Variants in SUMF1 observed in about 807,000 individuals in gnomAD.
The protein encoded by SUMF1 is sulfatase modifying factor 1.
A neutral mutation model predicts 47.6 loss-of-function variants in SUMF1; 48 were observed. The observed-to-expected ratio is 1.01, with a 90% CI of 0.80 to 1.28. The LOEUF (loss-of-function observed/expected upper bound fraction) is 1.28, where lower values mean the gene tolerates loss of function less well. Among genes scored for constraint, SUMF1 ranks in the 50% most tolerant of loss-of-function variants. The probability of loss-of-function intolerance (pLI) is 0.00; values close to 1 mark genes in which losing one functional copy is unlikely to be tolerated. For missense variants in SUMF1, 571 were observed against 485.4 expected (o/e 1.18, Z -1.66); for synonymous variants, 230 against 192.1 (o/e 1.20, Z -1.63).
At chr3:4,363,165 G>C (rs1699825719) in intron 8 of SUMF1, among the ~76,000 whole-genome samples, 1 of 151,990 alleles carries the variant, frequency 6.6e-6, no homozygotes. Flanking sequence ...ATAAGTGATA[G>C]ATGGCCACTG....
At chr3:4,177,684 A>G (rs1694997199) in intron 8 of SUMF1, among the ~76,000 whole-genome samples, 1 of 152,170 alleles carries the variant, frequency 6.6e-6, no homozygotes, top group Admixed American at 6.5e-5. Flanking sequence ...AGAAATAACT[A>G]AGATCAGAGC....
At chr3:4,173,499 T>C (rs1201559269) in intron 8 of SUMF1, among the ~76,000 whole-genome samples, 1 of 152,136 alleles carries the variant, frequency 6.6e-6, no homozygotes, top group East Asian at 1.9e-4. Flanking sequence ...AGAACAGAAA[T>C]ACCATTTGAC....
chr3:4,329,724 T>C (rs187961106), intron 8 of SUMF1, among the ~76,000 whole-genome samples: 2 of 152,148 alleles, frequency 1.3e-5, no homozygotes, highest in African/African-American at 4.8e-5. Flanking sequence ...TCATTACTTA[T>C]GCAAATTTTT....
intron 9 of SUMF1, among the ~76,000 whole-genome samples, chr3:4,035,260 C>T (rs750393135): frequency 4.6e-5 from 7 of 152,160 alleles, no homozygotes; most frequent in Admixed American, 1.3e-4. Flanking sequence ...GATCTGGAGG[C>T]TGGAAGTCTG....
chr3:4,189,203 C>T (rs1403048662), intron 8 of SUMF1, among the ~76,000 whole-genome samples: 1 of 152,006 alleles, frequency 6.6e-6, no homozygotes, highest in Non-Finnish European at 1.5e-5. Context: ...TGGCTCAGGA[C>T]AGAACAGGAA....
chr3:4,320,622 T>C (rs948326085), intron 8 of SUMF1, among the ~76,000 whole-genome samples: 2 of 152,178 alleles, frequency 1.3e-5, no homozygotes, highest in Admixed American at 6.5e-5. Flanking sequence ...GATTGTCTTA[T>C]GTAAATAAAG....
At chr3:4,264,860 G>A (rs1322872915) in intron 8 of SUMF1, among the ~76,000 whole-genome samples, 2 of 152,188 alleles carry the variant, frequency 1.3e-5, no homozygotes, top group Admixed American at 6.5e-5. Flanking sequence ...ACAGCCAGGA[G>A]CAGTGGCTCA....
intron 8 of SUMF1, among the ~76,000 whole-genome samples, chr3:4,106,606 A>G: frequency 6.6e-6 from 1 of 152,154 alleles, no homozygotes; most frequent in East Asian, 1.9e-4. Context: ...ACTAATAAAG[A>G]AATAACGAGA....
At chr3:4,444,213 T>C (rs990277901) in intron 3 of SUMF1, among the ~76,000 whole-genome samples, 4 of 152,172 alleles carry the variant, frequency 2.6e-5, no homozygotes, top group African/African-American at 9.7e-5. Context: ...AGATTTCATA[T>C]CCAGAAAAGT....
chr3:4,451,491 T>A (rs1195153249), intron 2 of SUMF1, among the ~76,000 whole-genome samples: 1 of 152,186 alleles, frequency 6.6e-6, no homozygotes, highest in Non-Finnish European at 1.5e-5. Context: ...ATTACTTTTG[T>A]ACCAACTTAT....
intron 8 of SUMF1, among the ~76,000 whole-genome samples, chr3:4,121,678 A>G (rs886159122): frequency 6.6e-6 from 1 of 152,184 alleles, no homozygotes; most frequent in Non-Finnish European, 1.5e-5. Context: ...AAGGATTCAA[A>G]TAAGTGCCTA....
At chr3:4,082,297 A>T (rs1692577596) in intron 8 of SUMF1, among the ~76,000 whole-genome samples, 1 of 151,864 alleles carries the variant, frequency 6.6e-6, no homozygotes, top group South Asian at 2.1e-4. Flanking sequence ...GTAAAACCCC[A>T]TCTCTACAAA....
intron 8 of SUMF1, among the ~76,000 whole-genome samples, chr3:4,287,086 ACAT>A (rs1697647290): frequency 6.6e-6 from 1 of 152,178 alleles, no homozygotes; most frequent in African/African-American, 2.4e-5. Flanking sequence ...AGGCTACATG[ACAT>A]CATGTTTCTC....
chr3:4,095,289 C>A (rs992521358), intron 8 of SUMF1, among the ~76,000 whole-genome samples: 1 of 152,108 alleles, frequency 6.6e-6, no homozygotes, highest in South Asian at 2.1e-4. Context: ...AGCAACAGAA[C>A]AAATGGAGTT....
At chr3:4,315,966 G>C (rs1698621429) in intron 8 of SUMF1, among the ~76,000 whole-genome samples, 1 of 149,378 alleles carries the variant, frequency 6.7e-6, no homozygotes, top group South Asian at 2.1e-4. Context: ...AGAATCACTT[G>C]AGCCCAGGAG....
intron 9 of SUMF1, among the ~76,000 whole-genome samples, chr3:4,056,311 T>C (rs1375180493): frequency 6.6e-6 from 1 of 152,110 alleles, no homozygotes; most frequent in Non-Finnish European, 1.5e-5. Context: ...GCTCCTGCTA[T>C]CAAAATACAG....
chr3:4,401,341 C>T (rs530828070), intron 7 of SUMF1, among the ~76,000 whole-genome samples: 8 of 152,098 alleles, frequency 5.3e-5, no homozygotes, highest in African/African-American at 1.7e-4. Context: ...GTAATGGGAT[C>T]GCTGGGTCAA....
At chr3:4,327,453 C>T (rs546390704) in intron 8 of SUMF1, among the ~76,000 whole-genome samples, 1 of 151,792 alleles carries the variant, frequency 6.6e-6, no homozygotes, top group East Asian at 1.9e-4. Context: ...TGGGAAGAAT[C>T]AAAGTAAAAC....
At chr3:4,098,448 CTT>C (rs1323367390) in intron 8 of SUMF1, among the ~76,000 whole-genome samples, 1 of 151,936 alleles carries the variant, frequency 6.6e-6, no homozygotes, top group Non-Finnish European at 1.5e-5. Flanking sequence ...GTTTTTTAAT[CTT>C]GTTTGATTTC....
Sources: allele counts gnomAD v4.1 joint callset (sites outside exome capture counted in the v4.1 genomes callset), GRCh38; gene constraint gnomAD v4.1.1; transcripts MANE v1.5; gene names NCBI Gene and HGNC (gene_info 2026-07-23, HGNC 2026-07-21).